CLSTN2: variants seen among roughly 807,000 people sequenced by gnomAD.
CLSTN2 encodes calsyntenin 2.
Under a neutral mutation model 101.2 loss-of-function variants are expected in CLSTN2, and 48 were observed. That is an observed-to-expected ratio of 0.47 (90% CI 0.38 to 0.60). CLSTN2 has a LOEUF of 0.60. CLSTN2 is among the 20% of genes least tolerant of loss of function. The pLI is 0.00. For missense variants in CLSTN2, 1,160 were observed against 1,238.2 expected (o/e 0.94, Z 0.95); for synonymous variants, 481 against 463.6 (o/e 1.04, Z -0.48).
At chr3:139,965,829 C>T (rs370312383) in intron 1 of CLSTN2, among the ~76,000 whole-genome samples, 197 of 152,302 alleles carry the variant, frequency 1.3e-3, no homozygotes, top group East Asian at 6.2e-3. Flanking sequence ...CAGTGTTATT[C>T]GGAGGCATGC....
intron 1 of CLSTN2, among the ~76,000 whole-genome samples, chr3:140,013,204 T>A (rs2007125075): frequency 6.6e-6 from 1 of 152,244 alleles, no homozygotes; most frequent in Admixed American, 6.5e-5. Flanking sequence ...GTACTTTCTG[T>A]ACACCAGGAA....
At chr3:140,494,741 G>C (rs1046350346) in intron 8 of CLSTN2, among the ~76,000 whole-genome samples, 3 of 152,118 alleles carry the variant, frequency 2.0e-5, no homozygotes, top group African/African-American at 4.8e-5. Context: ...ATGTGAGTTT[G>C]CTAAGGATAA....
chr3:140,463,177 G>T (rs186897460), intron 7 of CLSTN2, among the ~76,000 whole-genome samples: 1 of 152,112 alleles, frequency 6.6e-6, no homozygotes, highest in Non-Finnish European at 1.5e-5. Context: ...CTGCCTTGTC[G>T]CAGTAATCAA....
chr3:140,336,183 C>A (rs2087437952), intron 2 of CLSTN2, among the ~76,000 whole-genome samples: 4 of 152,200 alleles, frequency 2.6e-5, no homozygotes. Context: ...TCAGTACTAG[C>A]TACCATGGAA....
chr3:140,295,292 T>C (rs892162723), intron 2 of CLSTN2, among the ~76,000 whole-genome samples: 10 of 152,214 alleles, frequency 6.6e-5, no homozygotes, highest in Non-Finnish European at 2.9e-5. Flanking sequence ...AATATTGAAC[T>C]TTTCCTTATG....
intron 1 of CLSTN2, among the ~76,000 whole-genome samples, chr3:140,012,671 G>A (rs969026050): frequency 4.6e-5 from 7 of 152,342 alleles, no homozygotes; most frequent in Admixed American, 2.6e-4. Flanking sequence ...AGGAAGGAGA[G>A]TCATTAGGTT....
At chr3:140,176,199 T>C in intron 2 of CLSTN2, 126 bp downstream of exon 2, 1 of 1,049,036 alleles carries the variant, frequency 9.5e-7, no homozygotes, top group Non-Finnish European at 1.4e-6. Flanking sequence ...GATCAGCCTG[T>C]GATGTTAAAG....
chr3:140,322,488 G>GA (rs1274063338), intron 2 of CLSTN2, among the ~76,000 whole-genome samples: 2 of 152,218 alleles, frequency 1.3e-5, no homozygotes, highest in African/African-American at 4.8e-5. Flanking sequence ...CATTTCAAGG[G>GA]ATTGTAGACA....
intron 1 of CLSTN2, among the ~76,000 whole-genome samples, chr3:139,959,537 T>G (rs1291205830): frequency 1.3e-5 from 2 of 152,132 alleles, no homozygotes; most frequent in Admixed American, 6.5e-5. Flanking sequence ...ACTCAGAGGA[T>G]TCTTTGGGGT....
intron 1 of CLSTN2, among the ~76,000 whole-genome samples, chr3:140,097,701 T>A (rs1215614985): frequency 1.3e-5 from 2 of 152,330 alleles, no homozygotes; most frequent in African/African-American, 4.8e-5. Context: ...GCAGTGCAGT[T>A]ACTAGGCTGG....
chr3:140,226,873 C>T (rs2086325554), intron 2 of CLSTN2, among the ~76,000 whole-genome samples: 1 of 152,140 alleles, frequency 6.6e-6, no homozygotes, highest in South Asian at 2.1e-4. Context: ...TTAAAACCAT[C>T]AGATTTTGTG....
chr3:140,547,279 G>C (rs936703337), intron 10 of CLSTN2, among the ~76,000 whole-genome samples: 4 of 143,492 alleles, frequency 2.8e-5, no homozygotes, highest in African/African-American at 1.1e-4. Context: ...TTCGAGACCA[G>C]CCTGACCAAC....
chr3:140,080,079 C>T (rs1013250062), intron 1 of CLSTN2, among the ~76,000 whole-genome samples: 2 of 152,130 alleles, frequency 1.3e-5, no homozygotes, highest in African/African-American at 4.8e-5. Context: ...AATGTAGATT[C>T]AAGTTGCACA....
intron 5 of CLSTN2, among the ~76,000 whole-genome samples, chr3:140,423,446 A>C (rs1316805750): frequency 2.0e-5 from 3 of 152,194 alleles, no homozygotes; most frequent in Non-Finnish European, 1.5e-5. Context: ...TTGGTTAAAA[A>C]AATGTACCTT....
chr3:140,453,795 C>G (rs917289378), intron 6 of CLSTN2, among the ~76,000 whole-genome samples: 2 of 152,246 alleles, frequency 1.3e-5, no homozygotes, highest in East Asian at 3.9e-4. Flanking sequence ...CTGGAGAAGA[C>G]AGACATGTTA....
rs545629707 is a variant in CLSTN2 at position 140,508,623 on chromosome 3, C to T, written c.1345-23701C>T. On this transcript the variant is annotated intron_variant, in intron 8 of 16. Coordinates refer to ENST00000458420, the MANE Select transcript of CLSTN2 (RefSeq NM_022131.3). ...GTTTATTGTGTTCAGAGAGGGAACACATGAGGAGAAATATTCCCTTTCCTA... is the reference window on the plus strand; with the variant it reads ...GTTTATTGTGTTCAGAGAGGGAACATATGAGGAGAAATATTCCCTTTCCTA... 3.3e-5 allele frequency: 5 copies of T among 152,314 alleles called. No homozygotes were observed. The South Asian group carries it at 1.0e-3, about 32-fold the overall frequency. 9.4% of individuals were successfully genotyped at this position (152,314 alleles called of 1,614,324 possible).
chr3:140,454,988 T>C (rs1214586815), intron 6 of CLSTN2, among the ~76,000 whole-genome samples: 1 of 152,186 alleles, frequency 6.6e-6, no homozygotes, highest in African/African-American at 2.4e-5. Context: ...CCTGAGATTC[T>C]ACATCACTGA....
intron 2 of CLSTN2, among the ~76,000 whole-genome samples, chr3:140,205,847 G>C (rs1208658662): frequency 6.6e-6 from 1 of 152,108 alleles, no homozygotes. Context: ...TGAAGCTCCA[G>C]ACCAGCAGTC....
intron 1 of CLSTN2, among the ~76,000 whole-genome samples, chr3:140,012,012 G>A (rs1166327434): frequency 6.6e-6 from 1 of 152,152 alleles, no homozygotes; most frequent in African/African-American, 2.4e-5. Context: ...AGGTGTGCAG[G>A]AAACCCTGAA....
Sources: allele counts gnomAD v4.1 joint callset (sites outside exome capture counted in the v4.1 genomes callset), GRCh38; gene constraint gnomAD v4.1.1; transcripts MANE v1.5; gene names NCBI Gene and HGNC (gene_info 2026-07-23, HGNC 2026-07-21).